Variants in FAM114A2 observed in about 807,000 individuals in gnomAD.
FAM114A2 encodes protein FAM114A2.
FAM114A2 carries 53 observed loss-of-function variants against 58.4 expected under a neutral mutation model. The observed-to-expected ratio is 0.91, with a 90% CI of 0.73 to 1.14. FAM114A2 has a LOEUF of 1.14. Among genes scored for constraint, FAM114A2 ranks in the 50% most tolerant of loss-of-function variants. The pLI is 0.00. For missense variants in FAM114A2, 601 were observed against 581.1 expected, an observed-to-expected ratio of 1.03 and a Z score of -0.35; for synonymous variants, 228 against 211.4, an observed-to-expected ratio of 1.08 and a Z score of -0.68.
chr5:153,997,959 ATC>A, intron 11 of FAM114A2, 84 bp from the exon 12 acceptor site: 1 of 816,148 alleles, frequency 1.2e-6, no homozygotes, highest in Non-Finnish European at 2.0e-6. Flanking sequence ...AAGAGAACAA[ATC>A]ACTTCTGGTA....
At chr5:154,022,490 T>C (rs4299780) in intron 8 of FAM114A2, among the ~76,000 whole-genome samples, 99,156 of 152,026 alleles carry the variant, frequency 0.65, 32,700 homozygotes, top group East Asian at 0.88. Flanking sequence ...TCAACAGATA[T>C]GTCTCAAAAG....
At chr5:154,027,416 T>TA in intron 6 of FAM114A2, 82 bp from the exon 7 acceptor site, 1 of 1,233,072 alleles carries the variant, frequency 8.1e-7, no homozygotes, top group South Asian at 1.5e-5. Flanking sequence ...AAGCAAAGCT[T>TA]AGACAGGTTA....
chr5:154,002,994 C>T, intron 9 of FAM114A2, 25 bp from the exon 10 acceptor site: 1 of 1,611,606 alleles, frequency 6.2e-7, no homozygotes. Flanking sequence ...TATTGGCCAT[C>T]AACAATTCAA....
chr5:154,035,583 A>C (rs1474763768), intron 1 of FAM114A2, among the ~76,000 whole-genome samples: 1 of 152,228 alleles, frequency 6.6e-6, no homozygotes. Context: ...TTACCCATTT[A>C]TCCATCGAAG....
At chr5:153,998,855 C>A (rs1018609389) in intron 11 of FAM114A2, among the ~76,000 whole-genome samples, 2 of 152,202 alleles carry the variant, frequency 1.3e-5, no homozygotes, top group African/African-American at 4.8e-5. Context: ...AGTTGTGATG[C>A]TGGCAATTCA....
At chr5:154,009,873 T>C (rs1182842855) in intron 9 of FAM114A2, among the ~76,000 whole-genome samples, 1 of 152,186 alleles carries the variant, frequency 6.6e-6, no homozygotes, top group Non-Finnish European at 1.5e-5. Context: ...GGCAACTAAA[T>C]ACAATCTGTG....
intron 11 of FAM114A2, among the ~76,000 whole-genome samples, chr5:153,999,937 A>ATATG (rs1255044275): frequency 6.6e-6 from 1 of 152,126 alleles, no homozygotes; most frequent in African/African-American, 2.4e-5. Context: ...GTGTGTGTAT[A>ATATG]TATGTATGTG....
At chr5:154,004,046 G>A (rs1309853659) in intron 9 of FAM114A2, among the ~76,000 whole-genome samples, 3 of 152,148 alleles carry the variant, frequency 2.0e-5, no homozygotes, top group Non-Finnish European at 4.4e-5. Flanking sequence ...TAGGTTAAAC[G>A]ATATAGCCTA....
At chr5:154,021,070 G>C (rs1771384747) in intron 8 of FAM114A2, among the ~76,000 whole-genome samples, 1 of 152,164 alleles carries the variant, frequency 6.6e-6, no homozygotes, top group Admixed American at 6.5e-5. Context: ...AACAGATGCA[G>C]AAAAGGCCTT....
chr5:154,018,456 A>C (rs921202302), intron 8 of FAM114A2, among the ~76,000 whole-genome samples: 2 of 152,186 alleles, frequency 1.3e-5, no homozygotes, highest in African/African-American at 4.8e-5. Flanking sequence ...GACCAGACGG[A>C]TTCACAGCAG....
intron 8 of FAM114A2, among the ~76,000 whole-genome samples, chr5:154,024,599 T>G (rs1430136910): frequency 6.6e-6 from 1 of 152,190 alleles, no homozygotes; most frequent in Admixed American, 6.6e-5. Flanking sequence ...AGTATTTTAA[T>G]AGCCTTTTCA....
At chr5:154,029,750 G>C (rs1048837982) in intron 4 of FAM114A2, among the ~76,000 whole-genome samples, 170 bp from the exon 5 acceptor site, 4 of 152,122 alleles carry the variant, frequency 2.6e-5, no homozygotes, top group Non-Finnish European at 5.9e-5. Context: ...AGCTAAGATA[G>C]GCAGTTTTCA....
intron 10 of FAM114A2, 50 bp from the exon 11 acceptor site, chr5:154,002,440 A>G (rs918599750): frequency 1.3e-6 from 2 of 1,587,714 alleles, no homozygotes; most frequent in African/African-American, 1.3e-5. Context: ...ATTTGGTGGA[A>G]AGATACCACC....
intron 4 of FAM114A2, among the ~76,000 whole-genome samples, chr5:154,030,723 C>T (rs546773899): frequency 6.6e-5 from 10 of 152,190 alleles, no homozygotes; most frequent in African/African-American, 1.9e-4. Flanking sequence ...TCTAAGAATC[C>T]GCATAGGCAT....
At position 154,026,423 on chromosome 5, in the gene FAM114A2, C is replaced by A; in HGVS notation, c.889G>T (p.Glu297Ter). 1 of 1,579,578 alleles carries A rather than the reference C, an allele frequency of 6.3e-7. No homozygotes were observed. The highest frequency in any genetic ancestry group is 1.2e-5 in the South Asian group (1 of 84,770). The change falls in exon 8 of 14, where the codon GAA becomes TAA. Residue 297 changes from glutamate to a stop codon, truncating the protein, a stop_gained. Transcript: ENST00000351797. LOFTEE classifies it high-confidence loss of function. The part of the protein sequence containing the change: ...KETFSLAEFC[E>*]EEEEEKKGDE... ...CCTTTTTTCTCTTCTTCCTCTTCTT[C>A]ACAAAATTCTGCTAGAGAAAATGTT...
At position 154,026,446 on chromosome 5, in the gene FAM114A2, GTTTC is replaced by G. The variant is rs768116371; in HGVS notation, c.862_865del (p.Glu288HisfsTer4). On this transcript the variant is annotated frameshift_variant, in exon 8 of 14. Coordinates refer to ENST00000351797, the MANE Select transcript of FAM114A2 (RefSeq NM_018691.4). LOFTEE classifies it high-confidence loss of function. ...TTCACAAAATTCTGCTAGAGAAAAT[GTTTC>G]TTTGAGTTGCTCTAATTCAACTTTT... 2.5e-6 allele frequency: 4 copies of G among 1,576,336 alleles called. No individual in the cohort carries two copies. The African/African-American group carries it at 5.5e-5, about 22-fold the overall frequency.
At position 154,016,239 on chromosome 5, in the gene FAM114A2, G is replaced by A. The variant is rs117571666; in HGVS notation, c.914-4919C>T. Among the ~76,000 whole-genome samples the A allele has an allele frequency of 2.1e-4, 32 of 152,270 alleles. No homozygotes were observed. The East Asian group carries it at 5.8e-3, about 28-fold the overall frequency. On this transcript the variant is annotated intron_variant, in intron 8 of 13. Coordinates refer to ENST00000351797, the MANE Select transcript of FAM114A2 (RefSeq NM_018691.4). ...TTCCCCAGCCTTGTTAGAGACTTAGGCATCCAAATACAAGAAGCTCAAAGA... is the reference window on the plus strand; with the variant it reads ...TTCCCCAGCCTTGTTAGAGACTTAGACATCCAAATACAAGAAGCTCAAAGA...
At position 153,991,123 on chromosome 5, in the gene FAM114A2, A is replaced by C. The variant is rs1243018129; in HGVS notation, c.*1853T>G. The C allele has an allele frequency of 6.6e-6, 1 of 152,166 alleles. No individual in the cohort carries two copies. 9.4% of individuals were successfully genotyped at this position (152,166 alleles called of 1,614,324 possible). A position where few individuals can be genotyped will look rare whatever the true frequency, so the allele number is the denominator to read the frequency against. ...GGGGTGGGGAAGATGAGAAAAAAAG[A>C]GTTAGTGAGTCATATTTACCTTATG... On this transcript the variant is annotated 3_prime_UTR_variant, in exon 14 of 14. Transcript: ENST00000351797.
Position 154,002,425 on chromosome 5 carries a change from A to G in FAM114A2, c.1117-35T>C, listed in dbSNP as rs183682516. 9.2e-5 allele frequency: 148 copies of G among 1,604,488 alleles called. No individual in the cohort carries two copies. In the African/African-American group the frequency reaches 1.6e-3, roughly 17 times the overall value. ...AAAACAAAACAAAGCATAGCAAAACAAAACATTTGGTGGAAAGATACCACC... is the reference window on the plus strand; with the variant it reads ...AAAACAAAACAAAGCATAGCAAAACGAAACATTTGGTGGAAAGATACCACC... On this transcript the variant is annotated intron_variant, in intron 10 of 13. Coordinates refer to ENST00000351797, the MANE Select transcript of FAM114A2 (RefSeq NM_018691.4).
Sources: allele counts gnomAD v4.1 joint callset (sites outside exome capture counted in the v4.1 genomes callset), GRCh38; gene constraint gnomAD v4.1.1; transcripts MANE v1.5; gene names NCBI Gene and HGNC (gene_info 2026-07-23, HGNC 2026-07-21).